Variants in KCNC4 observed in about 807,000 individuals in gnomAD.
The protein encoded by KCNC4 is voltage-gated potassium channel KCNC4.
A neutral mutation model predicts 42.8 loss-of-function variants in KCNC4; 23 were observed. The observed-to-expected ratio is 0.54, with a 90% CI of 0.39 to 0.76. The LOEUF is 0.76. KCNC4 is among the 30% of genes least tolerant of loss of function. The pLI is 0.00. For missense variants in KCNC4, 751 were observed against 898.2 expected (o/e 0.84, Z 2.10); for synonymous variants, 422 against 393.5 (o/e 1.07, Z -0.86).
chr1:110,211,835 C>A lies in KCNC4; in HGVS notation c.336C>A (p.Thr112=). ...VFAYVLNYYR[T]GKLHCPADVC... ...CCTACGTGCTCAACTACTACCGCAC[C>A]GGCAAGCTGCACTGCCCCGCGGACG... is the stretch of plus-strand genomic sequence containing the variant. Residue 112 remains threonine, a synonymous_variant, in exon 1 of 4, where the codon ACC becomes ACA. Coordinates refer to ENST00000438661, the MANE Select transcript of KCNC4 (RefSeq NM_001039574.3). The surrounding 1 kb of genome is among the most constrained non-coding windows in gnomAD (Gnocchi z 6.5). The A allele has an allele frequency of 6.2e-7, 1 of 1,611,668 alleles. No individual in the cohort carries two copies. Among genetic ancestry groups the A allele is most frequent in the Non-Finnish European group, 8.5e-7 (1 of 1,179,828 alleles).
intron 2 of KCNC4, 135 bp downstream of exon 2, chr1:110,224,035 G>A (rs774462856): frequency 6.7e-6 from 5 of 743,386 alleles, no homozygotes; most frequent in Non-Finnish European, 1.1e-5. Context: ...GCCTTTATGA[G>A]GGCAAAGTGT....
At chr1:110,263,348 T>C (rs1056153060) in intron 1 of KCNC4, among the ~76,000 whole-genome samples, 2 of 26,432 alleles carry the variant, frequency 7.6e-5, no homozygotes, top group Non-Finnish European at 1.5e-4. Context: ...ATTTAAGGGT[T>C]TTTTTTTTTC....
chr1:110,272,137 G>C (rs1440142640), intron 1 of KCNC4, among the ~76,000 whole-genome samples: 1 of 152,162 alleles, frequency 6.6e-6, no homozygotes. Flanking sequence ...GGACCAGCTG[G>C]ACTGCCTTAT....
chr1:110,232,368 G>T, intron 3 of KCNC4: 1 of 1,579,580 alleles, frequency 6.3e-7, no homozygotes, highest in East Asian at 2.3e-5. Flanking sequence ...CCAGCTCCTT[G>T]GGACAATGGA....
chr1:110,211,619 C>T lies in KCNC4; in HGVS notation c.120C>T (p.Ile40=). 1 of 1,614,022 alleles carries T rather than the reference C, an allele frequency of 6.2e-7. No homozygotes were observed. Residue 40 remains isoleucine (I), a synonymous_variant, in exon 1 of 4, where the codon ATC becomes ATT. Coordinates refer to ENST00000438661, the MANE Select transcript of KCNC4 (RefSeq NM_001039574.3). This position sits in a 1 kb window ranked among gnomAD's most constrained non-coding sequence, Gnocchi z 6.5. Reference sequence around the variant, plus strand: ...GCGAGGCGTCGGAGAAGATCATCATCAACGTGGGCGGCACGCGACATGAGA... The same window carrying T: ...GCGAGGCGTCGGAGAAGATCATCATTAACGTGGGCGGCACGCGACATGAGA... ...AKGEASEKII[I]NVGGTRHETY...
intron 3 of KCNC4, among the ~76,000 whole-genome samples, chr1:110,230,611 G>A (rs1254460874): frequency 1.3e-5 from 2 of 152,198 alleles, no homozygotes; most frequent in Non-Finnish European, 2.9e-5. Flanking sequence ...CTGGCTCATG[G>A]CACCCCTACG....
intron 1 of KCNC4, among the ~76,000 whole-genome samples, chr1:110,260,316 G>A (rs1460198191): frequency 6.6e-6 from 1 of 152,128 alleles, no homozygotes; most frequent in East Asian, 1.9e-4. Context: ...TAAGATGTTA[G>A]GACTTTGTAA....
chr1:110,261,400 C>A (rs564272833), intron 1 of KCNC4, among the ~76,000 whole-genome samples: 18 of 152,196 alleles, frequency 1.2e-4, no homozygotes, highest in African/African-American at 4.3e-4. Flanking sequence ...AATATTAGGA[C>A]AAAGTATGCC....
chr1:110,276,085 AG>A (rs1212835991), intron 1 of KCNC4, among the ~76,000 whole-genome samples: 2 of 151,996 alleles, frequency 1.3e-5, no homozygotes, highest in Non-Finnish European at 2.9e-5. Flanking sequence ...TATAAGTGAG[AG>A]CTAAATAATG....
chr1:110,280,514 C>A (rs3904623), intron 1 of KCNC4, among the ~76,000 whole-genome samples: 1 of 151,654 alleles, frequency 6.6e-6, no homozygotes, highest in East Asian at 1.9e-4. Context: ...TACAACTCTG[C>A]GAAACCCCTG....
At position 110,226,102 on chromosome 1, in the gene KCNC4, C is replaced by G; in HGVS notation, c.1743C>G (p.Asp581Glu). 1.2e-6 allele frequency: 2 copies of G among 1,614,152 alleles called. No homozygotes were observed. Among genetic ancestry groups the G allele is most frequent in the Non-Finnish European group, 1.7e-6 (2 of 1,180,026 alleles). ...CCCTGCGACGCTCCACCACTCGAGA[C>G]AGAAACAAGAAGGCAGCTGCCTGCT... ...RRALRRSTTR[D>E]RNKKAAACFL... Residue 581 changes from aspartate to glutamate, a missense_variant, in exon 3 of 4, where the codon GAC becomes GAG. Coordinates refer to ENST00000438661, the MANE Select transcript of KCNC4 (RefSeq NM_001039574.3).
rs777961965 is a variant in KCNC4, at chr1:110,222,934, C to T, written c.679-30C>T. Reference sequence around the variant, plus strand: ...GGGCCCATCCATCCCTGTCTGACAGCTGCCCCCTGCTCTCCTCCCCTGCCC... The same window carrying T: ...GGGCCCATCCATCCCTGTCTGACAGTTGCCCCCTGCTCTCCTCCCCTGCCC... On this transcript the variant is annotated intron_variant, in intron 1 of 3. Coordinates refer to ENST00000438661, the MANE Select transcript of KCNC4 (RefSeq NM_001039574.3). The T allele has an allele frequency of 5.2e-6, 8 of 1,552,084 alleles. 1 individual carries two copies. The highest frequency in any genetic ancestry group is 4.5e-5 in the South Asian group (4 of 87,942).
chr1:110,212,085 G>A lies in KCNC4; in HGVS notation c.586G>A (p.Ala196Thr). Reference protein sequence around the residue: ...LQRLGPHEGGAGHGAGSGGCR... With the variant: ...LQRLGPHEGGTGHGAGSGGCR... ...GCGACTGGGCCCCCACGAGGGAGGC[G>A]CGGGCCATGGCGCCGGGTCTGGGGG... Residue 196 changes from alanine to threonine, a missense_variant, in exon 1 of 4, where the codon GCG becomes ACG. Around this residue, in one of 4 missense-constraint regions of KCNC4, gnomAD observed 181 missense variants for 167.3 expected, o/e 1.08. Coordinates refer to ENST00000438661, the MANE Select transcript of KCNC4 (RefSeq NM_001039574.3). 1 of 1,525,472 alleles carries A rather than the reference G, an allele frequency of 6.6e-7. No homozygotes were observed. Among genetic ancestry groups the A allele is most frequent in the Non-Finnish European group, 8.7e-7 (1 of 1,147,212 alleles). 94.5% of individuals were successfully genotyped at this position (1,525,472 alleles called of 1,614,324 possible). A position where few individuals can be genotyped will look rare whatever the true frequency, so the allele number is the denominator to read the frequency against.
rs941502924 is a variant in KCNC4, at chr1:110,233,871, T to G, written c.*899T>G. 6.6e-6 allele frequency: 1 copy of G among 152,596 alleles called. No individual in the cohort carries two copies. The highest frequency in any genetic ancestry group is 6.5e-5 in the Admixed American group (1 of 15,270). The allele number at this position is 152,596 out of a possible 1,614,324, so 9.5% of individuals were successfully genotyped here. A position where few individuals can be genotyped will look rare whatever the true frequency, so the allele number is the denominator to read the frequency against. ...TTGGCCTCTGCCCCTCCCTTGGCCC[T>G]CCCTCCCTGCTCCTCCCTGGTGTTG... On this transcript the variant is annotated 3_prime_UTR_variant, in exon 4 of 4. Coordinates refer to ENST00000438661, the MANE Select transcript of KCNC4 (RefSeq NM_001039574.3).
At chr1:110,232,411 C>T in intron 3 of KCNC4, 1 of 1,516,160 alleles carries the variant, frequency 6.6e-7, no homozygotes, top group Non-Finnish European at 8.8e-7. Context: ...GATGGAGCTA[C>T]TTGGGGGAGA....
chr1:110,225,695 G>T, intron 2 of KCNC4: 1 of 378,614 alleles, frequency 2.6e-6, no homozygotes, highest in Non-Finnish European at 4.8e-6. Context: ...TCAGCAGGCA[G>T]ATTTGGGGAG....
At chr1:110,218,874 AG>A (rs1198743868) in intron 1 of KCNC4, among the ~76,000 whole-genome samples, 1 of 152,140 alleles carries the variant, frequency 6.6e-6, no homozygotes, top group African/African-American at 2.4e-5. Flanking sequence ...ACAGGAGCCC[AG>A]GGGGCGCAGG....
chr1:110,270,208 G>A (rs532879821), intron 1 of KCNC4, among the ~76,000 whole-genome samples: 6 of 152,226 alleles, frequency 3.9e-5, no homozygotes, highest in East Asian at 1.9e-4. Flanking sequence ...AAGTCATGCC[G>A]CCCTCAGACT....
rs1037509258 is a variant in KCNC4 at position 110,210,753 on chromosome 1, G to T, written c.-747G>T. On this transcript the variant is annotated 5_prime_UTR_variant, in exon 1 of 4. Coordinates refer to ENST00000438661, the MANE Select transcript of KCNC4 (RefSeq NM_001039574.3). Reference sequence around the variant, plus strand: ...TCCGGCGCAGCTCCCAGCCGCGGACGCAGGACCCGAGGCTCGCTCCTGCGG... The same window carrying T: ...TCCGGCGCAGCTCCCAGCCGCGGACTCAGGACCCGAGGCTCGCTCCTGCGG... 1.3e-5 allele frequency among the ~76,000 whole-genome samples: 2 copies of T among 151,560 alleles called. No homozygotes were observed. The highest frequency in any genetic ancestry group is 2.4e-5 in the African/African-American group (1 of 41,336).
Sources: gnomAD v4.1 joint callset for allele counts (sites outside exome capture counted in the v4.1 genomes callset) on GRCh38, gnomAD v4.1.1 for gene constraint, gnomAD v4.1.1 regional missense constraint, Gnocchi (gnomAD v3.1) non-coding constraint, MANE v1.5 for transcripts, NCBI Gene and HGNC (gene_info 2026-07-23, HGNC 2026-07-21) for gene names.